GLRA2: variants seen among roughly 807,000 people sequenced by gnomAD.
GLRA2 encodes glycine receptor subunit alpha-2.
A neutral mutation model predicts 31.6 loss-of-function variants in GLRA2; 11 were observed. The ratio of observed to expected loss-of-function variants is 0.35; its 90% CI spans 0.22 to 0.58. GLRA2 has a LOEUF of 0.58. Ranked by LOEUF, GLRA2 falls within the 20% of genes least tolerant of loss-of-function variation. The pLI, the probability that GLRA2 is intolerant of heterozygous loss-of-function variation, is 0.84. For synonymous variants in GLRA2, 132 were observed against 134.0 expected (o/e 0.99, Z 0.10); for missense variants, 212 against 351.8 (o/e 0.60, Z 3.18).
chrX:14,664,877 G>A (rs1473495741), intron 7 of GLRA2, among the ~76,000 whole-genome samples: 2 of 111,537 alleles, frequency 1.8e-5, no homozygotes, highest in East Asian at 2.8e-4. Flanking sequence ...GGAGGTGTCC[G>A]GCAAATGGAA....
the GLRA2 span, among the ~76,000 whole-genome samples, chrX:14,489,146 T>C: frequency 8.9e-6 from 1 of 112,539 alleles, no homozygotes; most frequent in East Asian, 2.8e-4. Flanking sequence ...TCCTTTCTTT[T>C]TTGAAAACTT....
At chrX:14,535,415 T>A in intron 2 of GLRA2, among the ~76,000 whole-genome samples, 1 of 111,989 alleles carries the variant, frequency 8.9e-6, no homozygotes, top group East Asian at 2.8e-4. Flanking sequence ...AAAATGGATG[T>A]AAGCTAGAAA....
chrX:14,685,153 C>G (rs1362787195), intron 7 of GLRA2, among the ~76,000 whole-genome samples: 1 of 111,519 alleles, frequency 9.0e-6, no homozygotes, highest in Non-Finnish European at 1.9e-5. Flanking sequence ...GCCTTGCATC[C>G]CAGGGATGAA....
At chrX:14,563,826 C>T (rs1483092014) in intron 2 of GLRA2, among the ~76,000 whole-genome samples, 3 of 111,304 alleles carry the variant, frequency 2.7e-5, no homozygotes, top group Non-Finnish European at 3.8e-5. Context: ...ATTGAAAATT[C>T]ACTAGGGTAG....
chrX:14,461,596 T>C, the GLRA2 span, among the ~76,000 whole-genome samples: 1 of 112,007 alleles, frequency 8.9e-6, no homozygotes, highest in Non-Finnish European at 1.9e-5. Flanking sequence ...CCTTTACCAT[T>C]ATGTAATGGC....
Position 14,683,164 on chromosome X carries a change from C to A in GLRA2, c.931-7546C>A, listed in dbSNP as rs1215294120. 2.7e-5 allele frequency among the ~76,000 whole-genome samples: 3 copies of A among 111,963 alleles called. No homozygotes were observed. The East Asian group carries it at 8.4e-4, about 31-fold the overall frequency. The stretch of plus-strand genomic sequence containing the variant: ...ATGGTTGAACTAATTTACAGTCTCA[C>A]CAGCAGTGTAAAAGTGTTCCTATTT... On this transcript the variant is annotated intron_variant, in intron 7 of 8. Coordinates refer to ENST00000218075, the MANE Select transcript of GLRA2 (RefSeq NM_002063.4).
intron 7 of GLRA2, among the ~76,000 whole-genome samples, chrX:14,637,515 T>C: frequency 8.9e-6 from 1 of 112,093 alleles, no homozygotes; most frequent in Admixed American, 9.4e-5. Flanking sequence ...AAATCTTCTA[T>C]CCACACTTAT....
chrX:14,609,222 G>T lies in GLRA2; in HGVS notation c.930+17G>T. On this transcript the variant is annotated intron_variant, in intron 7 of 8. Transcript: ENST00000218075. ...CTGCCAAAGGTAAGAAATCTTGCTT[G>T]ATAACAGATGACATGAAAGCTTCCC... 2 of 1,047,509 alleles carry T rather than the reference G, an allele frequency of 1.9e-6. No homozygotes were observed. The highest frequency in any genetic ancestry group is 1.3e-6 in the Non-Finnish European group (1 of 750,686). The allele number at this position is 1,047,509 out of a possible 1,213,427, so 86.3% of individuals were successfully genotyped here.
At chrX:14,615,754 G>T (rs950646343) in intron 7 of GLRA2, among the ~76,000 whole-genome samples, 9 of 111,442 alleles carry the variant, frequency 8.1e-5, no homozygotes, top group African/African-American at 2.6e-4. Flanking sequence ...AAAAATCTGG[G>T]TACATTTCAA....
chrX:14,504,115 A>G, the GLRA2 span, among the ~76,000 whole-genome samples: 5 of 112,049 alleles, frequency 4.5e-5, no homozygotes, highest in Non-Finnish European at 7.5e-5. Context: ...TCCCCACAGT[A>G]TGTTTACGAC....
At chrX:14,718,651 G>C (rs1452685161) in intron 8 of GLRA2, among the ~76,000 whole-genome samples, 1 of 111,715 alleles carries the variant, frequency 9.0e-6, no homozygotes, top group African/African-American at 3.3e-5. Flanking sequence ...CACATGTCTG[G>C]TGCCTAGGCT....
intron 7 of GLRA2, among the ~76,000 whole-genome samples, chrX:14,672,116 G>C (rs2091099926): frequency 8.9e-6 from 1 of 112,401 alleles, no homozygotes; most frequent in South Asian, 3.7e-4. Context: ...CAAATCGTGA[G>C]ATAATGTGCC....
chrX:14,578,362 T>A (rs1601729119), intron 3 of GLRA2, among the ~76,000 whole-genome samples: 1 of 112,478 alleles, frequency 8.9e-6, no homozygotes, highest in East Asian at 2.8e-4. Context: ...CACTCTGATA[T>A]GTTAGTGTCA....
intron 8 of GLRA2, among the ~76,000 whole-genome samples, chrX:14,701,044 G>C (rs1037647810): frequency 9.1e-6 from 1 of 110,283 alleles, no homozygotes; most frequent in Non-Finnish European, 1.9e-5. Context: ...ACAGGATTTT[G>C]AAGGAATCCC....
At chrX:14,617,185 T>C (rs2090463254) in intron 7 of GLRA2, among the ~76,000 whole-genome samples, 1 of 111,376 alleles carries the variant, frequency 9.0e-6, no homozygotes, top group Non-Finnish European at 1.9e-5. Flanking sequence ...TTTGAACTCT[T>C]TCTCTTTCCA....
At chrX:14,485,491 G>A in the GLRA2 span, among the ~76,000 whole-genome samples, 1 of 111,234 alleles carries the variant, frequency 9.0e-6, no homozygotes, top group Non-Finnish European at 1.9e-5. Context: ...TATATTTATG[G>A]TGTACAACAT....
intron 7 of GLRA2, among the ~76,000 whole-genome samples, chrX:14,621,220 C>T (rs1477166635): frequency 9.0e-6 from 1 of 111,294 alleles, no homozygotes; most frequent in East Asian, 2.9e-4. Flanking sequence ...AAAGCAGGGA[C>T]CTCAAACTTT....
the GLRA2 span, among the ~76,000 whole-genome samples, chrX:14,495,918 A>C: frequency 9.0e-6 from 1 of 110,812 alleles, no homozygotes; most frequent in East Asian, 2.8e-4. Context: ...TTTGCAAAGG[A>C]GTACTTGAGC....
Position 14,710,340 on chromosome X carries a change from G to A in GLRA2, c.1080+19481G>A, listed in dbSNP as rs189841159. Reference sequence around the variant, plus strand: ...AGGGGAAAGAAAGCAGTGGCTATCTGGAAGGTTGATATCATTGCTTGAAGC... The same window carrying A: ...AGGGGAAAGAAAGCAGTGGCTATCTAGAAGGTTGATATCATTGCTTGAAGC... On this transcript the variant is annotated intron_variant, in intron 8 of 8. Coordinates refer to ENST00000218075, the MANE Select transcript of GLRA2 (RefSeq NM_002063.4). Among the ~76,000 whole-genome samples, 215 of 111,870 alleles carry A rather than the reference G, an allele frequency of 1.9e-3. 1 individual carries two copies. The highest frequency in any genetic ancestry group is 3.4e-3 in the Non-Finnish European group (181 of 53,161).
Sources: allele counts gnomAD v4.1 joint callset (sites outside exome capture counted in the v4.1 genomes callset), GRCh38; gene constraint gnomAD v4.1.1; transcripts MANE v1.5; gene names NCBI Gene and HGNC (gene_info 2026-07-23, HGNC 2026-07-21).